The following GLB1L2 variants were observed in gnomAD, a reference collection of about 807,000 sequenced individuals.
GLB1L2 encodes the protein beta-galactosidase-1-like protein 2.
In GLB1L2, 68 loss-of-function variants were observed where a neutral mutation model predicts 84.1. The observed-to-expected ratio is 0.81, with a 90% CI of 0.67 to 0.99. The LOEUF (loss-of-function observed/expected upper bound fraction) is 0.99, where lower values mean the gene tolerates loss of function less well. GLB1L2 is among the 50% of genes least tolerant of loss of function. GLB1L2 has a pLI of 0.00. For synonymous variants in GLB1L2, 290 were observed against 318.0 expected, an observed-to-expected ratio of 0.91 and a Z score of 0.94; for missense variants, 762 against 805.6, an observed-to-expected ratio of 0.95 and a Z score of 0.66.
chr11:134,345,471 T>A (rs1348571416), intron 4 of GLB1L2, among the ~76,000 whole-genome samples: 4 of 152,304 alleles, frequency 2.6e-5, no homozygotes, highest in African/African-American at 7.2e-5. Context: ...CGACCTTCCC[T>A]GTCTGTTTCT....
intron 5 of GLB1L2, among the ~76,000 whole-genome samples, chr11:134,349,829 A>G (rs923188895): frequency 4.6e-5 from 7 of 152,306 alleles, no homozygotes; most frequent in East Asian, 1.9e-4. Context: ...CTGGAGATCA[A>G]TTCCTTAACA....
At position 134,344,926 on chromosome 11, in the gene GLB1L2, C is replaced by T. The variant is rs370361839; in HGVS notation, c.354-108C>T. On this transcript the variant is annotated intron_variant, in intron 3 of 18. Coordinates refer to ENST00000535456, the MANE Select transcript of GLB1L2 (RefSeq NM_001370461.1). ...CCGCGCTTTGGGGGTGGGGCCGAGC[C>T]GTCCCTTCGCCCCACCAGGCAGCTC... 6.0e-4 allele frequency: 784 copies of T among 1,309,180 alleles called. 1 individual carries two copies. The East Asian group carries it at 9.5e-3, about 16-fold the overall frequency. The allele number at this position is 1,309,180 out of a possible 1,614,324, so 81.1% of individuals were successfully genotyped here. A position where few individuals can be genotyped will look rare whatever the true frequency, so the allele number is the denominator to read the frequency against.
chr11:134,348,070 T>C (rs1943575901), intron 5 of GLB1L2, among the ~76,000 whole-genome samples: 1 of 152,086 alleles, frequency 6.6e-6, no homozygotes, highest in Non-Finnish European at 1.5e-5. Context: ...ATCAACCCAG[T>C]TGCTGTGTAA....
chr11:134,369,753 A>T, intron 10 of GLB1L2, 52 bp from the exon 11 acceptor site: 1 of 1,511,992 alleles, frequency 6.6e-7, no homozygotes, highest in African/African-American at 1.4e-5. Flanking sequence ...TTCGTGCTAC[A>T]TGTGCTGTGC....
chr11:134,344,146 G>A lies in GLB1L2; in HGVS notation c.285-241G>A, dbSNP rs146590970. The stretch of plus-strand genomic sequence containing the variant: ...ATGGTAAGCTAACTGGGGTCAGAGC[G>A]CCTGACCTTTTACTCAGCCGGTCTT... On this transcript the variant is annotated intron_variant, in intron 2 of 18. Transcript: ENST00000535456. 1.9e-3 allele frequency among the ~76,000 whole-genome samples: 292 copies of A among 152,286 alleles called. 4 individuals carry two copies. The East Asian group carries it at 0.049, about 26-fold the overall frequency.
chr11:134,346,536 A>G (rs546214916), intron 4 of GLB1L2: 11 of 152,388 alleles, frequency 7.2e-5, no homozygotes, highest in Admixed American at 7.2e-4. Context: ...GTGGGGTTAG[A>G]ATGTGGGGGT....
In GLB1L2 at chr11:134,364,315, T is replaced by C; in HGVS notation, c.734-13T>C. ...CAGTGCTTTGTCTCTCTCTCTCCTCTTCCCTTTAACAGTCTTGGCCACCAT... is the reference window on the plus strand; with the variant it reads ...CAGTGCTTTGTCTCTCTCTCTCCTCCTCCCTTTAACAGTCTTGGCCACCAT... On this transcript the variant is annotated splice_polypyrimidine_tract_variant and intron_variant, in intron 7 of 18. Coordinates refer to ENST00000535456, the MANE Select transcript of GLB1L2 (RefSeq NM_001370461.1). 1 of 1,610,908 alleles carries C rather than the reference T, an allele frequency of 6.2e-7. No homozygotes were observed. The highest frequency in any genetic ancestry group is 8.5e-7 in the Non-Finnish European group (1 of 1,177,512).
intron 14 of GLB1L2, 64 bp from the exon 15 acceptor site, chr11:134,371,688 A>G: frequency 6.5e-7 from 1 of 1,547,784 alleles, no homozygotes; most frequent in Non-Finnish European, 8.9e-7. Flanking sequence ...TGGGGTCCAC[A>G]AGCAAATTCT....
intron 6 of GLB1L2, 68 bp from the exon 7 acceptor site, chr11:134,358,992 A>C (rs1307187227): frequency 9.0e-7 from 1 of 1,108,034 alleles, no homozygotes; most frequent in Non-Finnish European, 1.3e-6. Flanking sequence ...ACCCAACTGC[A>C]GCTGTGTGTC....
intron 5 of GLB1L2, among the ~76,000 whole-genome samples, chr11:134,352,059 A>C (rs1173046870): frequency 6.6e-6 from 1 of 152,192 alleles, no homozygotes; most frequent in Non-Finnish European, 1.5e-5. Flanking sequence ...TTTACCAGTG[A>C]AGCCATCTGG....
In GLB1L2 at chr11:134,348,936, G is replaced by A. The variant is rs372327724; in HGVS notation, c.558+1503G>A. ...TAAGAGCACTAGCCCTGTTGGCAAG[G>A]ACTCTATGCTCATAACTAATCACCA... On this transcript the variant is annotated intron_variant, in intron 5 of 18. Coordinates refer to ENST00000535456, the MANE Select transcript of GLB1L2 (RefSeq NM_001370461.1). 1.2e-4 allele frequency among the ~76,000 whole-genome samples: 18 copies of A among 152,170 alleles called. 1 individual carries two copies. The highest frequency in any genetic ancestry group is 1.5e-5 in the Non-Finnish European group (1 of 68,020).
At chr11:134,374,430 A>G (rs1943998120) in intron 17 of GLB1L2, among the ~76,000 whole-genome samples, 172 bp from the exon 18 acceptor site, 1 of 152,022 alleles carries the variant, frequency 6.6e-6, no homozygotes, top group Non-Finnish European at 1.5e-5. Context: ...CAGAAGAAAC[A>G]CCTCATGCAC....
chr11:134,356,647 T>C (rs1163933636), intron 6 of GLB1L2, among the ~76,000 whole-genome samples: 1 of 152,222 alleles, frequency 6.6e-6, no homozygotes, highest in Non-Finnish European at 1.5e-5. Flanking sequence ...AATTGCGTGG[T>C]GATGATTAGG....
At position 134,334,066 on chromosome 11, in the gene GLB1L2, G is replaced by A. The variant is rs1402246068; in HGVS notation, c.86+1919G>A. Among the ~76,000 whole-genome samples the A allele has an allele frequency of 6.6e-6, 1 of 152,150 alleles. No individual in the cohort carries two copies. The highest frequency in any genetic ancestry group is 2.4e-5 in the African/African-American group (1 of 41,412). The stretch of plus-strand genomic sequence containing the variant: ...AGTATGAGTTGCTGTAATATCTCTG[G>A]AGGCAGGAGGAGAACATCCTCTTTG... On this transcript the variant is annotated intron_variant, in intron 1 of 18. Transcript: ENST00000535456. This position sits in a 1 kb window ranked among gnomAD's most constrained non-coding sequence, Gnocchi z 4.1.
In GLB1L2 at chr11:134,371,373, A is replaced by C. The variant is rs558401828; in HGVS notation, c.1357-48A>C. 4 of 1,271,064 alleles carry C rather than the reference A, an allele frequency of 3.1e-6. No homozygotes were observed. The South Asian group carries it at 4.8e-5, about 15-fold the overall frequency. 78.7% of individuals were successfully genotyped at this position (1,271,064 alleles called of 1,614,324 possible). A position where few individuals can be genotyped will look rare whatever the true frequency, so the allele number is the denominator to read the frequency against. The stretch of plus-strand genomic sequence containing the variant: ...TCTTGGCCTGGAGGAGGTCCCGCTT[A>C]CCCTCCTCCTGTTGGTCATGGATGT... On this transcript the variant is annotated intron_variant, in intron 13 of 18. Coordinates refer to ENST00000535456, the MANE Select transcript of GLB1L2 (RefSeq NM_001370461.1).
intron 5 of GLB1L2, among the ~76,000 whole-genome samples, chr11:134,353,247 A>T (rs1232847561): frequency 1.3e-5 from 2 of 151,858 alleles, no homozygotes; most frequent in Non-Finnish European, 2.9e-5. Context: ...ATTCTCTACT[A>T]AAAAATACAA....
chr11:134,370,918 T>C lies in GLB1L2; in HGVS notation c.1216-90T>C. ...TAGAAAACACCCACCAAACCTCCGC[T>C]TCCACCCCATGTGCCAGCCCCCAGG... On this transcript the variant is annotated intron_variant, in intron 12 of 18. Transcript: ENST00000535456. This position sits in a 1 kb window ranked among gnomAD's most constrained non-coding sequence, Gnocchi z 4.7. 1.4e-6 allele frequency: 2 copies of C among 1,467,182 alleles called. No individual in the cohort carries two copies. Among genetic ancestry groups the C allele is most frequent in the South Asian group, 1.2e-5 (1 of 80,232 alleles). The allele number at this position is 1,467,182 out of a possible 1,614,324, so 90.9% of individuals were successfully genotyped here. A position where few individuals can be genotyped will look rare whatever the true frequency, so the allele number is the denominator to read the frequency against.
At position 134,371,486 on chromosome 11, in the gene GLB1L2, G is replaced by C. The variant is rs147485542; in HGVS notation, c.1422G>C (p.Leu474=). 21 of 1,582,836 alleles carry C rather than the reference G, an allele frequency of 1.3e-5. No individual in the cohort carries two copies. The highest frequency in any genetic ancestry group is 1.6e-5 in the Non-Finnish European group (19 of 1,151,590). The change falls in exon 14 of 19, where the codon CTG becomes CTC. Residue 474 remains leucine (L), a synonymous_variant. Coordinates refer to ENST00000535456, the MANE Select transcript of GLB1L2 (RefSeq NM_001370461.1). The part of the protein sequence containing the change: ...DYKTTKIAVP[L]IQGYTVLRIL... The stretch of plus-strand genomic sequence containing the variant: ...AGACAACGAAGATTGCTGTCCCCCT[G>C]ATCCAGGTTCGTTGTTTTTGGGAGC...
Position 134,356,294 on chromosome 11 carries a change from T to A in GLB1L2, c.559-7T>A. 1 of 1,612,782 alleles carries A rather than the reference T, an allele frequency of 6.2e-7. No homozygotes were observed. Among genetic ancestry groups the A allele is most frequent in the Non-Finnish European group, 8.5e-7 (1 of 1,178,844 alleles). ...TCAGCTCCTGGTTTTCTGTCTTTTC[T>A]CCGCAGTACAAGCGTGGGGGACCTA... On this transcript the variant is annotated splice_region_variant and splice_polypyrimidine_tract_variant and intron_variant, in intron 5 of 18. Transcript: ENST00000535456.
Sources: gnomAD v4.1 joint callset for allele counts (sites outside exome capture counted in the v4.1 genomes callset) on GRCh38, gnomAD v4.1.1 for gene constraint, Gnocchi (gnomAD v3.1) non-coding constraint, MANE v1.5 for transcripts, NCBI Gene and HGNC (gene_info 2026-07-23, HGNC 2026-07-21) for gene names.